Variants in PDE10A observed in about 807,000 individuals in gnomAD.
PDE10A encodes phosphodiesterase 10A, also known as cAMP and cAMP-inhibited cGMP 3',5'-cyclic phosphodiesterase 10A.
A neutral mutation model predicts 97.7 loss-of-function variants in PDE10A; 39 were observed. The observed-to-expected ratio is 0.40, with a 90% confidence interval of 0.31 to 0.52. The LOEUF is 0.52. PDE10A is among the 20% of genes least tolerant of loss of function. The pLI, the probability that PDE10A is intolerant of heterozygous loss-of-function variation, is 0.56. For synonymous variants in PDE10A, 371 were observed against 376.8 expected, an observed-to-expected ratio of 0.98 and a Z score of 0.18; for missense variants, 731 against 1,047.8, an observed-to-expected ratio of 0.70 and a Z score of 4.17.
chr6:165,413,360 T>C lies in PDE10A; in HGVS notation c.2076+141A>G, dbSNP rs149630057. 4,128 of 582,010 alleles carry C rather than the reference T, an allele frequency of 7.1e-3. 33 individuals are homozygous for C. Among genetic ancestry groups the C allele is most frequent in the Middle Eastern group, 0.021 (45 of 2,148 alleles). 36.1% of individuals were successfully genotyped at this position (582,010 alleles called of 1,614,324 possible). Reference sequence around the variant, plus strand: ...GCATTTTATGACATTTTCTAAAACATGTACAATCAGGAATCACTTACTTTT... The same window carrying C: ...GCATTTTATGACATTTTCTAAAACACGTACAATCAGGAATCACTTACTTTT... On this transcript the variant is annotated intron_variant, in intron 13 of 21. Coordinates refer to ENST00000539869, the MANE Select transcript of PDE10A (RefSeq NM_001385079.1).
intron 1 of PDE10A, among the ~76,000 whole-genome samples, chr6:165,648,104 T>C (rs1789496505): frequency 6.6e-6 from 1 of 152,098 alleles, no homozygotes; most frequent in Admixed American, 6.5e-5. Flanking sequence ...GCTCCACCTC[T>C]CGGGTTCACG....
chr6:165,366,263 C>CT (rs143924055), intron 18 of PDE10A, among the ~76,000 whole-genome samples: 73 of 152,220 alleles, frequency 4.8e-4, no homozygotes, highest in African/African-American at 1.6e-3. Flanking sequence ...GTTGTAAATT[C>CT]TAGCTATGCA....
intron 18 of PDE10A, among the ~76,000 whole-genome samples, chr6:165,357,671 C>T (rs984824879): frequency 1.3e-5 from 2 of 152,124 alleles, no homozygotes; most frequent in Non-Finnish European, 2.9e-5. Flanking sequence ...ATAATACTCT[C>T]TTATTATCCC....
intron 1 of PDE10A, among the ~76,000 whole-genome samples, chr6:165,777,909 G>A (rs1778234354): frequency 6.6e-6 from 1 of 151,926 alleles, no homozygotes; most frequent in Non-Finnish European, 1.5e-5. Context: ...CTCCATCACT[G>A]AAATTTTGGG....
At chr6:165,775,532 C>T (rs1315106386) in intron 1 of PDE10A, 6 of 152,180 alleles carry the variant, frequency 3.9e-5, no homozygotes, top group Non-Finnish European at 7.3e-5. Context: ...TTGCCTACCC[C>T]GCCACTGCCT....
chr6:165,343,280 A>G (rs1782088009), intron 19 of PDE10A, 111 bp downstream of exon 19: 1 of 761,098 alleles, frequency 1.3e-6, no homozygotes, highest in Non-Finnish European at 2.3e-6. Flanking sequence ...GTGACTCACC[A>G]CAGTTCTCTG....
chr6:165,531,548 G>C (rs1368702657), intron 2 of PDE10A, among the ~76,000 whole-genome samples: 2 of 152,130 alleles, frequency 1.3e-5, no homozygotes, highest in East Asian at 3.9e-4. Flanking sequence ...AAAAACAGAA[G>C]TTGGGGCAAA....
chr6:165,835,698 C>A lies in PDE10A; in HGVS notation c.-615+151831G>T, dbSNP rs1583167557. The stretch of plus-strand genomic sequence containing the variant: ...TGCAGGGCTGAGAGACCGGAGCTCC[C>A]GCCAATGCACCTGGAGAACAGGGAG... On this transcript the variant is annotated intron_variant, in intron 1 of 19. Transcript: ENST00000366882. Among the ~76,000 whole-genome samples the A allele has an allele frequency of 2.0e-5, 3 of 152,226 alleles. No individual in the cohort carries two copies. In the South Asian group the frequency reaches 6.2e-4, roughly 32 times the overall value.
At chr6:165,675,775 A>G (rs1035044984) in intron 1 of PDE10A, among the ~76,000 whole-genome samples, 34 of 152,346 alleles carry the variant, frequency 2.2e-4, no homozygotes, top group African/African-American at 7.9e-4. Context: ...ATGTAAGTCA[A>G]CCAAAAAAGA....
intron 1 of PDE10A, among the ~76,000 whole-genome samples, chr6:165,829,340 G>A (rs892404504): frequency 6.6e-6 from 1 of 151,918 alleles, no homozygotes; most frequent in Non-Finnish European, 1.5e-5. Context: ...TGATCTCATC[G>A]GCCATGCAGT....
intron 1 of PDE10A, among the ~76,000 whole-genome samples, chr6:165,906,721 AG>A (rs1442642341): frequency 4.6e-5 from 7 of 152,178 alleles, no homozygotes; most frequent in African/African-American, 1.7e-4. Context: ...GGAATAGGAG[AG>A]GTGCTTAGGG....
rs139800253 is a variant in PDE10A, at chr6:165,471,371, C to A, written c.1023+10944G>T. Among the ~76,000 whole-genome samples the A allele has an allele frequency of 1.6e-4, 25 of 152,296 alleles. 1 individual carries two copies. In the South Asian group the frequency reaches 2.7e-3, roughly 16 times the overall value. On this transcript the variant is annotated intron_variant, in intron 3 of 21. Transcript: ENST00000539869. ...CTGGGTTCATGACTCTAGCTACTAT[C>A]TGTATGTGGATGGTTCTTAAATCAT...
intron 1 of PDE10A, among the ~76,000 whole-genome samples, chr6:165,904,151 G>C (rs1782197023): frequency 6.6e-6 from 1 of 152,168 alleles, no homozygotes; most frequent in Non-Finnish European, 1.5e-5. Context: ...AATGCTGAAG[G>C]GAATGGCCAA....
At position 165,513,401 on chromosome 6, in the gene PDE10A, T is replaced by A. The variant is rs535281227; in HGVS notation, c.994+30039A>T. On this transcript the variant is annotated intron_variant, in intron 2 of 21. Coordinates refer to ENST00000539869, the MANE Select transcript of PDE10A (RefSeq NM_001385079.1). ...TCTGTTTCATCGATTTGTATGCCTA[T>A]CTCTGCAGCAGTACAAAATAAACTA... Among the ~76,000 whole-genome samples, 32 of 152,262 alleles carry A rather than the reference T, an allele frequency of 2.1e-4. 1 individual carries two copies. In the South Asian group the frequency reaches 2.3e-3, roughly 11 times the overall value.
chr6:165,660,122 G>C (rs1299221422), intron 1 of PDE10A: 1 of 152,374 alleles, frequency 6.6e-6, no homozygotes, highest in African/African-American at 2.4e-5. Flanking sequence ...CCACCAGATA[G>C]GGGACCAGGA....
chr6:165,887,100 A>G (rs1781650095), intron 1 of PDE10A, among the ~76,000 whole-genome samples: 1 of 152,242 alleles, frequency 6.6e-6, no homozygotes. Flanking sequence ...AGAAAAATCA[A>G]TGAATGAGTT....
Position 165,329,203 on chromosome 6 carries a change from T to C in PDE10A, c.*3822A>G, listed in dbSNP as rs940101375. 2 of 152,220 alleles carry C rather than the reference T, an allele frequency of 1.3e-5. No individual in the cohort carries two copies. Among genetic ancestry groups the C allele is most frequent in the African/African-American group, 4.8e-5 (2 of 41,454 alleles). The allele number at this position is 152,220 out of a possible 1,614,324, so 9.4% of individuals were successfully genotyped here. On this transcript the variant is annotated 3_prime_UTR_variant, in exon 22 of 22. Transcript: ENST00000539869. ...CCTGAAACCCCCCAAAATCACATCA[T>C]AACCAGTGTCACAGTTCTCTGAAGT...
chr6:165,606,073 G>A (rs957102449), intron 1 of PDE10A, among the ~76,000 whole-genome samples: 1 of 151,282 alleles, frequency 6.6e-6, no homozygotes, highest in African/African-American at 2.4e-5. Context: ...GAGTAACGCA[G>A]GCAAGGGAGC....
chr6:165,389,904 C>T (rs1216222406), intron 16 of PDE10A, among the ~76,000 whole-genome samples: 1 of 152,156 alleles, frequency 6.6e-6, no homozygotes, highest in East Asian at 1.9e-4. Context: ...GAAGAAAGAA[C>T]TCTATAGGTT....
Sources: gnomAD v4.1 joint callset for allele counts (sites outside exome capture counted in the v4.1 genomes callset) on GRCh38, gnomAD v4.1.1 for gene constraint, MANE v1.5 for transcripts, NCBI Gene and HGNC (gene_info 2026-07-23, HGNC 2026-07-21) for gene names.